Variants in SAG observed in about 807,000 individuals in gnomAD.
SAG encodes S-antigen visual arrestin.
A neutral mutation model predicts 55.0 loss-of-function variants in SAG; 45 were observed. The observed-to-expected ratio is 0.82, with a 90% CI of 0.64 to 1.05. The LOEUF is 1.05. Ranked by LOEUF, SAG falls within the 50% of genes least tolerant of loss-of-function variation. The pLI is 0.00. For missense variants in SAG, 455 were observed against 512.1 expected, an observed-to-expected ratio of 0.89 and a Z score of 1.08; for synonymous variants, 189 against 197.4, an observed-to-expected ratio of 0.96 and a Z score of 0.36.
chr2:233,313,573 C>A (rs1011613807), intron 2 of SAG, among the ~76,000 whole-genome samples: 1 of 151,688 alleles, frequency 6.6e-6, no homozygotes, highest in South Asian at 2.1e-4. Flanking sequence ...CTCTTTACCC[C>A]CTTTGTGGGA....
chr2:233,318,823 G>T (rs367986998), intron 4 of SAG, 28 bp downstream of exon 4: 2 of 1,607,232 alleles, frequency 1.2e-6, no homozygotes, highest in East Asian at 2.2e-5. Flanking sequence ...GTCTCAGGCT[G>T]GTTTCTGGGC....
chr2:233,320,956 C>G (rs1000990600), intron 5 of SAG, 133 bp downstream of exon 5: 2 of 727,750 alleles, frequency 2.7e-6, no homozygotes, highest in Admixed American at 6.2e-5. Context: ...GAAAGAAATT[C>G]TAGATTGCAT....
chr2:233,308,825 C>A (rs1700003978), intron 1 of SAG, among the ~76,000 whole-genome samples: 1 of 152,172 alleles, frequency 6.6e-6, no homozygotes, highest in Non-Finnish European at 1.5e-5. Context: ...CACGATAGAA[C>A]TTTAAATTCA....
At position 233,311,489 on chromosome 2, in the gene SAG, A is replaced by G. The variant is rs575257243; in HGVS notation, c.75+2225A>G. Among the ~76,000 whole-genome samples, 6 of 152,278 alleles carry G rather than the reference A, an allele frequency of 3.9e-5. No individual in the cohort carries two copies. In the South Asian group the frequency reaches 1.2e-3, roughly 32 times the overall value. On this transcript the variant is annotated intron_variant, in intron 2 of 15. Transcript: ENST00000409110. Reference sequence around the variant, plus strand: ...TAGATGATCGTAGTGAATCAGGCCAATCAAGAATCGTACCCTGGAGCCGGC... The same window carrying G: ...TAGATGATCGTAGTGAATCAGGCCAGTCAAGAATCGTACCCTGGAGCCGGC...
At chr2:233,329,661 A>G in intron 9 of SAG, 84 bp downstream of exon 9, 1 of 920,906 alleles carries the variant, frequency 1.1e-6, no homozygotes, top group Non-Finnish European at 1.7e-6. Context: ...CTCTGGTCTG[A>G]TAAGGCCCTT....
In SAG at chr2:233,319,632, C is replaced by T; in HGVS notation, c.181+837C>T. On this transcript the variant is annotated intron_variant, in intron 4 of 15. Transcript: ENST00000409110. This position sits in a 1 kb window ranked among gnomAD's most constrained non-coding sequence, Gnocchi z 4.4. ...TGGGGCCCCAAACGGCCCCCTCTGTCCTCTCCACCTTCCTCCTGGGTGCCC... is the reference window on the plus strand; with the variant it reads ...TGGGGCCCCAAACGGCCCCCTCTGTTCTCTCCACCTTCCTCCTGGGTGCCC... 1.0e-6 allele frequency: 1 copy of T among 986,386 alleles called. No individual in the cohort carries two copies. Among genetic ancestry groups the T allele is most frequent in the Non-Finnish European group, 1.2e-6 (1 of 830,704 alleles). 61.1% of individuals were successfully genotyped at this position (986,386 alleles called of 1,614,324 possible). A position where few individuals can be genotyped will look rare whatever the true frequency, so the allele number is the denominator to read the frequency against.
Position 233,334,915 on chromosome 2 carries a change from A to T in SAG, c.807-47A>T, listed in dbSNP as rs759380575. 79 of 1,608,216 alleles carry T rather than the reference A, an allele frequency of 4.9e-5. 1 individual carries two copies. In the South Asian group the frequency reaches 5.6e-4, roughly 11 times the overall value. On this transcript the variant is annotated intron_variant, in intron 10 of 15. Coordinates refer to ENST00000409110, the MANE Select transcript of SAG (RefSeq NM_000541.5). Reference sequence around the variant, plus strand: ...TGTCAAATAGGGGCTCATGGGGTCCATGGCAGCTTTGATGGTTATAAATCT... The same window carrying T: ...TGTCAAATAGGGGCTCATGGGGTCCTTGGCAGCTTTGATGGTTATAAATCT...
intron 11 of SAG, among the ~76,000 whole-genome samples, chr2:233,335,945 G>T (rs570220184): frequency 1.4e-4 from 21 of 152,348 alleles, no homozygotes; most frequent in African/African-American, 5.1e-4. Context: ...TTGACCCCAT[G>T]ACTCCGATGC....
At chr2:233,326,508 T>C (rs1965811) in intron 6 of SAG, among the ~76,000 whole-genome samples, 111,034 of 150,920 alleles carry the variant, frequency 0.74, 41,295 homozygotes, top group African/African-American at 0.84. Context: ...TTGCTTGAAC[T>C]CGGGAGGCGG....
chr2:233,321,658 A>T (rs1352354355), intron 5 of SAG, among the ~76,000 whole-genome samples: 2 of 152,118 alleles, frequency 1.3e-5, no homozygotes, highest in African/African-American at 4.8e-5. Flanking sequence ...GATTGGGAAG[A>T]TGAAAAATGT....
intron 14 of SAG, 186 bp downstream of exon 14, chr2:233,342,512 G>A (rs78165017): frequency 5.8e-5 from 35 of 606,142 alleles, no homozygotes; most frequent in East Asian, 8.4e-5. Context: ...GCGCTGAGCC[G>A]GGTAGATTAT....
At chr2:233,339,526 G>A (rs1040864206) in intron 12 of SAG, among the ~76,000 whole-genome samples, 3 of 143,442 alleles carry the variant, frequency 2.1e-5, no homozygotes, top group Admixed American at 1.4e-4. Context: ...TGCATTTTTC[G>A]TTAGCATAGT....
chr2:233,330,792 A>G (rs963852815), intron 9 of SAG, among the ~76,000 whole-genome samples: 2 of 152,126 alleles, frequency 1.3e-5, no homozygotes, highest in Non-Finnish European at 2.9e-5. Context: ...TCAGCCTCCC[A>G]AAGTGCTGGG....
Position 233,343,596 on chromosome 2 carries a change from T to A in SAG, c.1102+1270T>A, listed in dbSNP as rs1303190372. On this transcript the variant is annotated intron_variant, in intron 14 of 15. Coordinates refer to ENST00000409110, the MANE Select transcript of SAG (RefSeq NM_000541.5). ...GTGAAAAGGTAAATTGTATGATATA[T>A]GAATTTGATCTCAATCATTCTCTTT... The A allele has an allele frequency of 3.1e-6, 3 of 982,034 alleles. No homozygotes were observed. The Admixed American group carries it at 9.3e-5, about 30-fold the overall frequency. The allele number at this position is 982,034 out of a possible 1,614,324, so 60.8% of individuals were successfully genotyped here. A position where few individuals can be genotyped will look rare whatever the true frequency, so the allele number is the denominator to read the frequency against.
In SAG at chr2:233,339,545, T is replaced by G. The variant is rs1364951534; in HGVS notation, c.1022+792T>G. On this transcript the variant is annotated intron_variant, in intron 12 of 15. Transcript: ENST00000409110. ...TTTTTCGTTAGCATAGTGTTTTTTTTTTTTTTTTTTTCACTGTGGATAGTG... is the reference window on the plus strand; with the variant it reads ...TTTTTCGTTAGCATAGTGTTTTTTTGTTTTTTTTTTTCACTGTGGATAGTG... Among the ~76,000 whole-genome samples, 52 of 151,900 alleles carry G rather than the reference T, an allele frequency of 3.4e-4. 1 individual carries two copies. Among genetic ancestry groups the G allele is most frequent in the Admixed American group, 1.2e-3 (18 of 15,284 alleles).
chr2:233,322,661 C>T (rs1559439451), intron 5 of SAG, among the ~76,000 whole-genome samples: 3 of 151,948 alleles, frequency 2.0e-5, no homozygotes, highest in African/African-American at 7.3e-5. Flanking sequence ...ATTAGCTGGG[C>T]ATGGTGGTGT....
rs746642209 is a variant in SAG, at chr2:233,327,133, G to A, written c.448G>A (p.Asp150Asn). 6.2e-7 allele frequency: 1 copy of A among 1,613,748 alleles called. No individual in the cohort carries two copies. The change falls in exon 7 of 16, where the codon GAC becomes AAC. Residue 150 changes from aspartate to asparagine, a missense_variant. Coordinates refer to ENST00000409110, the MANE Select transcript of SAG (RefSeq NM_000541.5). ...CTCTCCCCAACAGTCCTGTGGGGTT[G>A]ACTTTGAGGTCAAAGCATTCGCCAC... ...PQDSGKSCGVDFEVKAFATDS... is the reference protein window; with the variant it reads ...PQDSGKSCGVNFEVKAFATDS...
intron 6 of SAG, among the ~76,000 whole-genome samples, chr2:233,326,875 C>T (rs1458232398): frequency 1.3e-5 from 2 of 152,158 alleles, no homozygotes; most frequent in African/African-American, 4.8e-5. Context: ...AGCAGGAGGG[C>T]TCATGGGGCA....
At chr2:233,318,822 T>C in intron 4 of SAG, 27 bp downstream of exon 4, 3 of 1,609,236 alleles carry the variant, frequency 1.9e-6, no homozygotes, top group Non-Finnish European at 2.6e-6. Flanking sequence ...TGTCTCAGGC[T>C]GGTTTCTGGG....
Sources: gnomAD v4.1 joint callset for allele counts (sites outside exome capture counted in the v4.1 genomes callset) on GRCh38, gnomAD v4.1.1 for gene constraint, Gnocchi (gnomAD v3.1) non-coding constraint, MANE v1.5 for transcripts, NCBI Gene and HGNC (gene_info 2026-07-23, HGNC 2026-07-21) for gene names.